MBD5: variants seen among roughly 807,000 people sequenced by gnomAD.
MBD5 encodes methyl-CpG-binding domain protein 5.
MBD5 carries 13 observed loss-of-function variants against 117.3 expected under a neutral mutation model. The ratio of observed to expected loss-of-function variants is 0.11; its 90% confidence interval spans 0.07 to 0.18. The LOEUF (loss-of-function observed/expected upper bound fraction) is 0.18, where lower values mean the gene tolerates loss of function less well. MBD5 is among the 10% of genes least tolerant of loss of function. MBD5 has a pLI of 1.00. For synonymous variants in MBD5, 727 were observed against 766.4 expected, an observed-to-expected ratio of 0.95 and a Z score of 0.85; for missense variants, 1,879 against 2,093.8, an observed-to-expected ratio of 0.90 and a Z score of 2.00.
intron 1 of MBD5, among the ~76,000 whole-genome samples, chr2:148,051,005 A>C (rs1055931526): frequency 6.6e-6 from 1 of 152,140 alleles, no homozygotes; most frequent in Non-Finnish European, 1.5e-5. Flanking sequence ...TCTGTGGATC[A>C]GTTTGGGAAT....
intron 2 of MBD5, among the ~76,000 whole-genome samples, chr2:148,227,920 T>C (rs1699876559): frequency 1.3e-5 from 2 of 152,094 alleles, no homozygotes; most frequent in Admixed American, 6.6e-5. Flanking sequence ...CTGTCTGTTA[T>C]TGGTGTATAA....
chr2:148,334,755 T>C (rs1033898407), intron 3 of MBD5, among the ~76,000 whole-genome samples: 4 of 152,166 alleles, frequency 2.6e-5, no homozygotes, highest in African/African-American at 9.7e-5. Flanking sequence ...TACTGTTGAT[T>C]TTTCTTATCT....
chr2:148,471,554 C>A (rs1680797284), intron 8 of MBD5: 1 of 152,066 alleles, frequency 6.6e-6, no homozygotes, highest in Admixed American at 6.6e-5. Context: ...TACCGTCATG[C>A]TGGAGAAGCA....
intron 3 of MBD5, among the ~76,000 whole-genome samples, chr2:148,254,130 C>T (rs1448051993): frequency 6.6e-6 from 1 of 152,206 alleles, no homozygotes; most frequent in Admixed American, 6.5e-5. Flanking sequence ...TATTAGGGCC[C>T]AGCATAGGCC....
chr2:148,408,343 C>A (rs1010291940), intron 4 of MBD5, among the ~76,000 whole-genome samples: 1 of 152,122 alleles, frequency 6.6e-6, no homozygotes, highest in Non-Finnish European at 1.5e-5. Context: ...ACCTCCAAGT[C>A]GTTCCAGATT....
chr2:148,499,932 A>G lies in MBD5; in HGVS notation c.4963-2504A>G, dbSNP rs570456450. Among the ~76,000 whole-genome samples, 66 of 152,332 alleles carry G rather than the reference A, an allele frequency of 4.3e-4. 1 individual carries two copies. In the South Asian group the frequency reaches 9.7e-3, roughly 22 times the overall value. ...GTGCTAAAATCCTGAAACAAACTAAACTTTCTTCTGAATATGTATGATCTT... is the reference window on the plus strand; with the variant it reads ...GTGCTAAAATCCTGAAACAAACTAAGCTTTCTTCTGAATATGTATGATCTT... On this transcript the variant is annotated intron_variant, in intron 11 of 13. Coordinates refer to ENST00000642680, the MANE Select transcript of MBD5 (RefSeq NM_001378120.1).
At chr2:148,421,347 A>G (rs1235910818) in intron 4 of MBD5, among the ~76,000 whole-genome samples, 1 of 152,082 alleles carries the variant, frequency 6.6e-6, no homozygotes, top group Non-Finnish European at 1.5e-5. Context: ...TCCCCTAGCC[A>G]AGGGAAGCCA....
At chr2:148,092,833 A>C (rs1490126752) in intron 1 of MBD5, among the ~76,000 whole-genome samples, 1 of 151,912 alleles carries the variant, frequency 6.6e-6, no homozygotes, top group African/African-American at 2.4e-5. Flanking sequence ...AAAAAATTTA[A>C]ACAAAACAAA....
chr2:148,093,302 T>C (rs1695987846), intron 1 of MBD5, among the ~76,000 whole-genome samples: 1 of 152,204 alleles, frequency 6.6e-6, no homozygotes, highest in South Asian at 2.1e-4. Context: ...CACTATGTCA[T>C]TAATGCTGCT....
intron 1 of MBD5, among the ~76,000 whole-genome samples, chr2:148,126,601 C>T (rs1696903064): frequency 6.6e-6 from 1 of 152,028 alleles, no homozygotes; most frequent in South Asian, 2.1e-4. Context: ...CGAAGCAATC[C>T]TTGTTTATAC....
intron 1 of MBD5, among the ~76,000 whole-genome samples, chr2:148,119,789 G>T (rs1053986983): frequency 6.6e-6 from 1 of 152,034 alleles, no homozygotes; most frequent in Admixed American, 6.6e-5. Flanking sequence ...TAGTACCCTT[G>T]TCCAAAAACA....
chr2:148,423,002 A>T (rs1705654369), intron 4 of MBD5, among the ~76,000 whole-genome samples: 1 of 152,150 alleles, frequency 6.6e-6, no homozygotes, highest in Non-Finnish European at 1.5e-5. Flanking sequence ...GTTGGAAAAC[A>T]CTCTTTAGGA....
At chr2:148,079,193 A>T (rs1695581135) in intron 1 of MBD5, among the ~76,000 whole-genome samples, 1 of 152,222 alleles carries the variant, frequency 6.6e-6, no homozygotes. Flanking sequence ...GCTAATTCAT[A>T]AAATGCTGAC....
chr2:148,473,627 G>C (rs2105674108), intron 8 of MBD5, among the ~76,000 whole-genome samples: 1 of 152,192 alleles, frequency 6.6e-6, no homozygotes, highest in South Asian at 2.1e-4. Flanking sequence ...TTCTTTTAAG[G>C]AGAGTCTTCC....
At chr2:148,332,040 T>C (rs1297257476) in intron 3 of MBD5, among the ~76,000 whole-genome samples, 2 of 152,148 alleles carry the variant, frequency 1.3e-5, no homozygotes, top group Non-Finnish European at 2.9e-5. Context: ...TTGCAAATTC[T>C]TTTTTAACTG....
At chr2:148,243,240 G>A (rs973719132) in intron 3 of MBD5, among the ~76,000 whole-genome samples, 11 of 151,968 alleles carry the variant, frequency 7.2e-5, no homozygotes, top group African/African-American at 1.9e-4. Flanking sequence ...CTGTCAGGAC[G>A]TGATTTCTTT....
chr2:148,201,621 C>T (rs530542341), intron 2 of MBD5, among the ~76,000 whole-genome samples: 59 of 152,162 alleles, frequency 3.9e-4, no homozygotes, highest in Middle Eastern at 3.4e-3. Context: ...TCAGTCGGTC[C>T]GAAGTTCTTG....
chr2:148,328,749 C>A (rs1702547731), intron 3 of MBD5, among the ~76,000 whole-genome samples: 1 of 152,170 alleles, frequency 6.6e-6, no homozygotes, highest in Non-Finnish European at 1.5e-5. Context: ...TCTGGCACTC[C>A]CTAGTGAGAT....
intron 4 of MBD5, among the ~76,000 whole-genome samples, chr2:148,361,659 G>A (rs528025370): frequency 1.3e-5 from 2 of 152,110 alleles, no homozygotes; most frequent in African/African-American, 2.4e-5. Context: ...TTAAAGACAC[G>A]TTGCCAATCC....
Sources: gnomAD v4.1 joint callset for allele counts (sites outside exome capture counted in the v4.1 genomes callset) on GRCh38, gnomAD v4.1.1 for gene constraint, MANE v1.5 for transcripts, NCBI Gene and HGNC (gene_info 2026-07-23, HGNC 2026-07-21) for gene names.